Variants in NALF2 observed in about 807,000 individuals in gnomAD.
The protein encoded by NALF2 is bB57D9.1 (TED protein).
Under a neutral mutation model 24.8 loss-of-function variants are expected in NALF2, and 1 was observed. The observed-to-expected ratio is 0.04, with a 90% confidence interval of 0.01 to 0.19. The LOEUF is 0.19. NALF2 is among the 10% of genes least tolerant of loss of function. The pLI is 1.00. For missense variants in NALF2, 458 were observed against 409.6 expected (o/e 1.12, Z -1.02); for synonymous variants, 254 against 189.8 (o/e 1.34, Z -2.78).
At chrX:69,509,892 C>A (rs1930554331) in intron 1 of NALF2, among the ~76,000 whole-genome samples, 1 of 112,406 alleles carries the variant, frequency 8.9e-6, no homozygotes, top group African/African-American at 3.2e-5. Flanking sequence ...CTAAGGACGT[C>A]AACTCTCTGA....
intron 1 of NALF2, among the ~76,000 whole-genome samples, chrX:69,508,625 C>T (rs1279611754): frequency 2.7e-5 from 3 of 111,715 alleles, no homozygotes; most frequent in Admixed American, 9.4e-5. Context: ...ACCTGGCTCT[C>T]GAATCCAGCT....
intron 1 of NALF2, among the ~76,000 whole-genome samples, chrX:69,512,637 A>C (rs1930600592): frequency 8.9e-6 from 1 of 111,918 alleles, no homozygotes; most frequent in East Asian, 2.8e-4. Flanking sequence ...TAATCCTGGC[A>C]GTCATCCTAG....
At chrX:69,525,759 C>T (rs1930798070) in intron 1 of NALF2, among the ~76,000 whole-genome samples, 1 of 108,826 alleles carries the variant, frequency 9.2e-6, no homozygotes, top group Non-Finnish European at 1.9e-5. Flanking sequence ...CCTCTAATTC[C>T]CTGGCTCTTT....
intron 1 of NALF2, among the ~76,000 whole-genome samples, chrX:69,507,228 A>G (rs1403438431): frequency 9.0e-6 from 1 of 111,355 alleles, no homozygotes; most frequent in Admixed American, 9.4e-5. Context: ...TCCCTCCAAG[A>G]CTTTGGGGAG....
In NALF2 at chrX:69,505,989, G is replaced by A; in HGVS notation, c.707G>A (p.Gly236Asp). The A allele has an allele frequency of 8.3e-7, 1 of 1,211,799 alleles. No homozygotes were observed. Among genetic ancestry groups the A allele is most frequent in the Non-Finnish European group, 1.1e-6 (1 of 895,458 alleles). Residue 236 changes from glycine to aspartate, a missense_variant, in exon 1 of 3, where the codon GGC (glycine) becomes GAC (aspartate). By Grantham distance (94) the Gly-to-Asp change is moderately conservative (BLOSUM62 -1). Coordinates refer to ENST00000252338, the MANE Select transcript of NALF2 (RefSeq NM_015686.3). The part of the protein sequence containing the change: ...GDLLAVVASP[G>D]SGAWEACSNC... ...CTGCTGGCCGTGGTGGCCAGCCCGGGCTCCGGGGCCTGGGAGGCGTGTAGC... is the reference window on the plus strand; with the variant it reads ...CTGCTGGCCGTGGTGGCCAGCCCGGACTCCGGGGCCTGGGAGGCGTGTAGC...
intron 1 of NALF2, among the ~76,000 whole-genome samples, chrX:69,516,432 CTCTA>C (rs1249752799): frequency 6.2e-5 from 7 of 112,177 alleles, no homozygotes; most frequent in Non-Finnish European, 1.9e-5. Context: ...AGCTCTAACT[CTCTA>C]TCTAACTGGA....
intron 1 of NALF2, among the ~76,000 whole-genome samples, chrX:69,508,833 TCTC>T (rs1236834080): frequency 1.8e-5 from 2 of 111,811 alleles, no homozygotes; most frequent in Non-Finnish European, 3.8e-5. Flanking sequence ...CCTCAGAGCT[TCTC>T]CTGAGTGGAG....
Position 69,505,666 on chromosome X carries a change from C to T in NALF2, c.384C>T (p.Ala128=), listed in dbSNP as rs1602189434. The T allele has an allele frequency of 1.7e-6, 2 of 1,205,134 alleles. No individual in the cohort carries two copies. Among genetic ancestry groups the T allele is most frequent in the Non-Finnish European group, 1.1e-6 (1 of 893,650 alleles). The part of the protein sequence containing the change: ...YSNLTKAAPA[A]GSRPVCGGVP... ...ACCTGACCAAAGCCGCCCCCGCCGC[C>T]GGCTCTCGGCCGGTCTGCGGCGGCG... The change falls in exon 1 of 3, where the codon GCC becomes GCT. Residue 128 remains alanine, a synonymous_variant. Transcript: ENST00000252338.
chrX:69,528,950 A>T (rs1224356460), intron 1 of NALF2, 43 bp from the exon 2 acceptor site: 10 of 1,159,709 alleles, frequency 8.6e-6, no homozygotes, highest in Non-Finnish European at 1.0e-5. Flanking sequence ...CTGAGGTGGG[A>T]AGGGGCTGGC....
intron 1 of NALF2, among the ~76,000 whole-genome samples, chrX:69,509,994 A>G (rs868695001): frequency 9.0e-6 from 1 of 110,867 alleles, no homozygotes; most frequent in African/African-American, 3.3e-5. Context: ...CAGTACCCAG[A>G]CCTGCCATAT....
Position 69,504,590 on chromosome X carries a change from C to T in NALF2, c.-693C>T, listed in dbSNP as rs1478810853. ...GCGCTGCCGGGAGCCAGGTGGCCCG[C>T]CCGAGCCGGAACTCCAGGAGCAGCG... On this transcript the variant is annotated 5_prime_UTR_variant, in exon 1 of 3. Transcript: ENST00000252338. 8.9e-6 allele frequency among the ~76,000 whole-genome samples: 1 copy of T among 112,987 alleles called. No homozygotes were observed. The highest frequency in any genetic ancestry group is 1.9e-5 in the Non-Finnish European group (1 of 53,085).
chrX:69,526,609 G>A (rs1362545180), intron 1 of NALF2, among the ~76,000 whole-genome samples: 7 of 111,995 alleles, frequency 6.3e-5, no homozygotes, highest in African/African-American at 2.3e-4. Flanking sequence ...CAAAACAAGA[G>A]TGCAGAGAAA....
chrX:69,530,085 C>T lies in NALF2; in HGVS notation c.*129C>T, dbSNP rs1930880472. On this transcript the variant is annotated 3_prime_UTR_variant, in exon 3 of 3. Transcript: ENST00000252338. ...GGGCGGGGGAAATGGGGGAATGACA[C>T]ATCCCCCCCAACCTACCCCCACCCC... 3.9e-6 allele frequency: 2 copies of T among 509,193 alleles called. No individual in the cohort carries two copies. Among genetic ancestry groups the T allele is most frequent in the South Asian group, 3.5e-5 (1 of 28,736 alleles). 42.0% of individuals were successfully genotyped at this position (509,193 alleles called of 1,213,427 possible).
chrX:69,527,934 C>A (rs998640096), intron 1 of NALF2, among the ~76,000 whole-genome samples: 2 of 111,364 alleles, frequency 1.8e-5, no homozygotes, highest in Admixed American at 1.9e-4. Flanking sequence ...GGAGACAATA[C>A]CCCTACCCCA....
chrX:69,514,848 A>T (rs1277728989), intron 1 of NALF2, among the ~76,000 whole-genome samples: 1 of 112,069 alleles, frequency 8.9e-6, no homozygotes, highest in Non-Finnish European at 1.9e-5. Flanking sequence ...AGTTGAAATC[A>T]TACTGTTTTT....
intron 1 of NALF2, among the ~76,000 whole-genome samples, chrX:69,518,866 C>T (rs745882714): frequency 1.4e-4 from 16 of 112,100 alleles, no homozygotes; most frequent in African/African-American, 5.2e-4. Flanking sequence ...TATTCTATTT[C>T]CCAATTTTTC....
At position 69,505,145 on chromosome X, in the gene NALF2, G is replaced by GGCCT. The variant is rs1382351941; in HGVS notation, c.-133_-130dup. 1.7e-5 allele frequency: 9 copies of GGCCT among 536,372 alleles called. No homozygotes were observed. Among genetic ancestry groups the GGCCT allele is most frequent in the Admixed American group, 6.2e-5 (1 of 16,250 alleles). 44.2% of individuals were successfully genotyped at this position (536,372 alleles called of 1,213,427 possible). Reference sequence around the variant, plus strand: ...GCCTGAGCGGGGCATCGCGCCGGCCGGCCTGCCTCACCATGCAGCCCCCGA... The same window carrying GGCCT: ...GCCTGAGCGGGGCATCGCGCCGGCCGGCCTGCCTGCCTCACCATGCAGCCCCCGA... On this transcript the variant is annotated 5_prime_UTR_variant, in exon 1 of 3. Transcript: ENST00000252338.
intron 1 of NALF2, among the ~76,000 whole-genome samples, chrX:69,509,467 C>G (rs1220180529): frequency 9.0e-6 from 1 of 111,145 alleles, no homozygotes; most frequent in African/African-American, 3.3e-5. Context: ...GGCTTCTTCT[C>G]TCATAGCTGT....
At chrX:69,510,088 C>G (rs1392669284) in intron 1 of NALF2, among the ~76,000 whole-genome samples, 2 of 112,495 alleles carry the variant, frequency 1.8e-5, no homozygotes, top group Non-Finnish European at 3.8e-5. Flanking sequence ...AAGTGTCTGG[C>G]CCGATACAGG....
Sources: allele counts gnomAD v4.1 joint callset (sites outside exome capture counted in the v4.1 genomes callset), GRCh38; gene constraint gnomAD v4.1.1; transcripts MANE v1.5; gene names NCBI Gene and HGNC (gene_info 2026-07-23, HGNC 2026-07-21).